EFCAB5: variants seen among roughly 807,000 people sequenced by gnomAD.
EFCAB5 encodes the protein EF-hand calcium-binding domain-containing protein 5.
Under a neutral mutation model 167.9 loss-of-function variants are expected in EFCAB5, and 131 were observed. The ratio of observed to expected loss-of-function variants is 0.78; its 90% CI spans 0.68 to 0.90. The LOEUF (loss-of-function observed/expected upper bound fraction) is 0.90, where lower values mean the gene tolerates loss of function less well. Ranked by LOEUF, EFCAB5 falls within the 40% of genes least tolerant of loss-of-function variation. The pLI, the probability that EFCAB5 is intolerant of heterozygous loss-of-function variation, is 0.00. For missense variants in EFCAB5, 1,663 were observed against 1,745.2 expected (o/e 0.95, Z 0.84); for synonymous variants, 574 against 602.8 (o/e 0.95, Z 0.70).
At chr17:30,073,036 C>T in intron 14 of EFCAB5, 1 of 589,798 alleles carries the variant, frequency 1.7e-6, no homozygotes, top group Non-Finnish European at 3.0e-6. Context: ...GCTCCTGTGT[C>T]CTCCCCTCCC....
intron 15 of EFCAB5, among the ~76,000 whole-genome samples, chr17:30,079,415 T>C (rs1379010014): frequency 1.3e-5 from 2 of 152,152 alleles, no homozygotes; most frequent in Non-Finnish European, 2.9e-5. Flanking sequence ...GAGAAAAATA[T>C]CAAGGAAAGT....
intron 16 of EFCAB5, 43 bp downstream of exon 16, chr17:30,080,284 A>C (rs762811455): frequency 6.7e-7 from 1 of 1,488,394 alleles, no homozygotes; most frequent in Non-Finnish European, 8.9e-7. Flanking sequence ...TCCTAAAAAA[A>C]TAATTCCCTT....
intron 3 of EFCAB5, chr17:29,968,286 G>T: frequency 2.2e-6 from 1 of 447,326 alleles, no homozygotes; most frequent in South Asian, 1.6e-5. Context: ...GTTATAATTT[G>T]TCTATACTAT....
rs183594144 is a variant in EFCAB5, at chr17:29,996,647, A to C, written c.973+287A>C. On this transcript the variant is annotated intron_variant, in intron 6 of 22. Coordinates refer to ENST00000394835, the MANE Select transcript of EFCAB5 (RefSeq NM_198529.4). ...ATTTCTTACATACATAGAATTTTAA[A>C]AGAAAGATATGATGTCATAACTGTG... Among the ~76,000 whole-genome samples, 12 of 152,350 alleles carry C rather than the reference A, an allele frequency of 7.9e-5. No homozygotes were observed. In the East Asian group the frequency reaches 2.3e-3, roughly 29 times the overall value.
chr17:30,086,846 C>T (rs1272013673), intron 18 of EFCAB5, among the ~76,000 whole-genome samples: 2 of 152,028 alleles, frequency 1.3e-5, no homozygotes, highest in Non-Finnish European at 2.9e-5. Flanking sequence ...GAGCCAAGAT[C>T]GTGCTATTGC....
intron 3 of EFCAB5, among the ~76,000 whole-genome samples, chr17:29,962,728 A>G (rs1186998291): frequency 1.4e-5 from 2 of 147,034 alleles, no homozygotes; most frequent in East Asian, 2.0e-4. Flanking sequence ...CTTTCTATAT[A>G]TAGGATCATG....
chr17:30,006,537 C>T (rs1297606678), intron 7 of EFCAB5, among the ~76,000 whole-genome samples: 1 of 152,084 alleles, frequency 6.6e-6, no homozygotes, highest in East Asian at 1.9e-4. Flanking sequence ...ATTAAACAAA[C>T]CTTCTTTTTA....
At chr17:30,069,194 G>A in intron 14 of EFCAB5, 1 of 1,546,990 alleles carries the variant, frequency 6.5e-7, no homozygotes. Context: ...GTTTCACAGT[G>A]TCCTTCAAAA....
intron 3 of EFCAB5, among the ~76,000 whole-genome samples, chr17:29,952,033 C>A (rs2067523495): frequency 1.3e-5 from 2 of 152,120 alleles, no homozygotes; most frequent in South Asian, 4.1e-4. Flanking sequence ...AAATTTAGTG[C>A]TCACAGTTAT....
rs987111583 is a variant in EFCAB5 at position 30,034,139 on chromosome 17, G to A, written c.1045-91G>A. ...CATATGGAAACATTTTACAGCCAAT[G>A]TATTTCATGCACATTGGTTGAATCC... On this transcript the variant is annotated intron_variant, in intron 7 of 22. Transcript: ENST00000394835. 1.4e-5 allele frequency: 20 copies of A among 1,424,076 alleles called. No individual in the cohort carries two copies. The Admixed American group carries it at 1.5e-4, about 11-fold the overall frequency. 88.2% of individuals were successfully genotyped at this position (1,424,076 alleles called of 1,614,324 possible).
intron 22 of EFCAB5, 137 bp from the exon 23 acceptor site, chr17:30,107,697 C>A: frequency 1.5e-6 from 1 of 686,236 alleles, no homozygotes; most frequent in Non-Finnish European, 2.1e-6. Context: ...CCTGTAATTA[C>A]ATATTTACAC....
At chr17:29,945,763 G>T (rs2067385120) in intron 3 of EFCAB5, among the ~76,000 whole-genome samples, 1 of 152,134 alleles carries the variant, frequency 6.6e-6, no homozygotes, top group Non-Finnish European at 1.5e-5. Flanking sequence ...AATAAATGTT[G>T]CTGGGGAAAT....
At chr17:29,997,754 A>G (rs1456807161) in intron 6 of EFCAB5, among the ~76,000 whole-genome samples, 1 of 152,156 alleles carries the variant, frequency 6.6e-6, no homozygotes, top group Non-Finnish European at 1.5e-5. Context: ...GGGAAAGTCT[A>G]TGTGCAAGAA....
chr17:29,951,345 G>T (rs139420930), intron 3 of EFCAB5, among the ~76,000 whole-genome samples: 577 of 151,868 alleles, frequency 3.8e-3, no homozygotes, highest in Non-Finnish European at 6.7e-3. Flanking sequence ...TGTTTTGTTT[G>T]GTTTGGTTTT....
At chr17:30,101,753 GGTTTT>G (rs2071385721) in intron 22 of EFCAB5, among the ~76,000 whole-genome samples, 1 of 152,112 alleles carries the variant, frequency 6.6e-6, no homozygotes, top group South Asian at 2.1e-4. Context: ...ATGGGGTCAA[GGTTTT>G]GTTTTGTTTC....
chr17:30,078,069 TG>T (rs2070904011), intron 14 of EFCAB5, 145 bp from the exon 15 acceptor site: 3 of 735,028 alleles, frequency 4.1e-6, no homozygotes, highest in Admixed American at 3.1e-5. Flanking sequence ...CATATTCCAC[TG>T]GGCTCAGAGA....
chr17:29,966,560 C>T (rs1175810279), intron 3 of EFCAB5, among the ~76,000 whole-genome samples: 1 of 152,142 alleles, frequency 6.6e-6, no homozygotes, highest in African/African-American at 2.4e-5. Context: ...CTGTCATATA[C>T]TCATATACGT....
chr17:29,958,781 A>C (rs2067665711), intron 3 of EFCAB5, among the ~76,000 whole-genome samples: 1 of 152,270 alleles, frequency 6.6e-6, no homozygotes, highest in Middle Eastern at 3.4e-3. Context: ...ATGCTTTCTA[A>C]GTATTCAAAG....
intron 14 of EFCAB5, chr17:30,074,731 A>C (rs1056840456): frequency 6.6e-6 from 1 of 152,138 alleles, no homozygotes. Context: ...AAAAACTGCC[A>C]ATTTTCTGCA....
Sources: allele counts gnomAD v4.1 joint callset (sites outside exome capture counted in the v4.1 genomes callset), GRCh38; gene constraint gnomAD v4.1.1; transcripts MANE v1.5; gene names NCBI Gene and HGNC (gene_info 2026-07-23, HGNC 2026-07-21).